MIPOL1: variants seen among roughly 807,000 people sequenced by gnomAD.
The protein encoded by MIPOL1 is mirror-image polydactyly 1.
Under a neutral mutation model 60.9 loss-of-function variants are expected in MIPOL1, and 57 were observed. The observed-to-expected ratio is 0.94, with a 90% CI of 0.76 to 1.17. The LOEUF (loss-of-function observed/expected upper bound fraction) is 1.17. Among genes scored for constraint, MIPOL1 ranks in the 50% most tolerant of loss-of-function variants. The probability of loss-of-function intolerance (pLI) is 0.00; values close to 1 mark genes in which losing one functional copy is unlikely to be tolerated. For synonymous variants in MIPOL1, 179 were observed against 168.8 expected (o/e 1.06, Z -0.47); for missense variants, 551 against 511.6 (o/e 1.08, Z -0.74).
rs1279543982 is a variant in MIPOL1 at position 37,550,477 on chromosome 14, C to G, written c.*3506C>G. On this transcript the variant is annotated 3_prime_UTR_variant, in exon 13 of 13. Coordinates refer to ENST00000684589, the MANE Select transcript of MIPOL1 (RefSeq NM_001388067.1). ...TTGGTAACTAGTATTTACAGCTAAC[C>G]TATCTATTCATATTTTACATATATA... 6.7e-6 allele frequency: 1 copy of G among 148,674 alleles called. No homozygotes were observed. The highest frequency in any genetic ancestry group is 1.5e-5 in the Non-Finnish European group (1 of 67,530). 9.2% of individuals were successfully genotyped at this position (148,674 alleles called of 1,614,324 possible).
intron 11 of MIPOL1, among the ~76,000 whole-genome samples, chr14:37,498,148 A>G (rs546943193): frequency 2.6e-5 from 4 of 152,286 alleles, no homozygotes; most frequent in East Asian, 1.9e-4. Flanking sequence ...AAAATAGGCA[A>G]TTTACATTTT....
At position 37,213,666 on chromosome 14, in the gene MIPOL1, A is replaced by G. The variant is rs1007128134; in HGVS notation, c.-199+15562A>G. Among the ~76,000 whole-genome samples, 3 of 152,204 alleles carry G rather than the reference A, an allele frequency of 2.0e-5. No homozygotes were observed. The South Asian group carries it at 6.2e-4, about 31-fold the overall frequency. On this transcript the variant is annotated intron_variant, in intron 1 of 12. Transcript: ENST00000684589. ...GGGCAGAAAGTTTATTCAAAGGGAT[A>G]ATAATGGAGAAATTCCCAAACCTAA...
In MIPOL1 at chr14:37,415,976, G is replaced by A. The variant is rs552496559; in HGVS notation, c.937-6879G>A. On this transcript the variant is annotated intron_variant, in intron 10 of 12. Transcript: ENST00000684589. ...AGACCAGGATTTGCCCCCTTATTAA[G>A]AGAGAATCTAAGTAGTTGATAATCT... Among the ~76,000 whole-genome samples the A allele has an allele frequency of 2.9e-3, 448 of 152,170 alleles. 3 individuals are homozygous for A. Among genetic ancestry groups the A allele is most frequent in the African/African-American group, 9.2e-3 (383 of 41,524 alleles).
At chr14:37,432,101 C>G (rs1218512938) in intron 11 of MIPOL1, among the ~76,000 whole-genome samples, 1 of 152,200 alleles carries the variant, frequency 6.6e-6, no homozygotes, top group Non-Finnish European at 1.5e-5. Context: ...GTCATTTCCT[C>G]CTGGACTACT....
At chr14:37,434,850 C>CAA (rs71127219) in intron 11 of MIPOL1, among the ~76,000 whole-genome samples, 22 of 111,704 alleles carry the variant, frequency 2.0e-4, no homozygotes, top group Admixed American at 1.4e-3. Flanking sequence ...TTAATCACAG[C>CAA]AAAAAAAAAA....
chr14:37,244,742 C>CT (rs1172464115), intron 1 of MIPOL1, among the ~76,000 whole-genome samples: 1 of 152,004 alleles, frequency 6.6e-6, no homozygotes, highest in African/African-American at 2.4e-5. Context: ...AATCATCCCA[C>CT]TAGTTTTAAT....
intron 10 of MIPOL1, among the ~76,000 whole-genome samples, chr14:37,377,185 C>T (rs2092799506): frequency 6.6e-6 from 1 of 152,140 alleles, no homozygotes; most frequent in Admixed American, 6.6e-5. Context: ...TCATACTCTC[C>T]TTTGCATGAC....
chr14:37,462,151 G>A (rs1158801178), intron 11 of MIPOL1, among the ~76,000 whole-genome samples: 1 of 152,186 alleles, frequency 6.6e-6, no homozygotes, highest in African/African-American at 2.4e-5. Context: ...TGAAATCTAG[G>A]CAGAGGTTCC....
intron 1 of MIPOL1, among the ~76,000 whole-genome samples, chr14:37,241,937 G>C (rs74047259): frequency 0.016 from 2,455 of 150,338 alleles, 55 homozygotes; most frequent in African/African-American, 0.055. Flanking sequence ...GAACTTTTTA[G>C]TCTAGTTAAT....
chr14:37,480,542 A>G (rs1199718161), intron 11 of MIPOL1, among the ~76,000 whole-genome samples: 1 of 151,990 alleles, frequency 6.6e-6, no homozygotes, highest in Non-Finnish European at 1.5e-5. Context: ...CAAACTCGGT[A>G]TAGAAAGAAT....
At chr14:37,219,768 G>A (rs1295054344) in intron 1 of MIPOL1, 3 of 152,150 alleles carry the variant, frequency 2.0e-5, no homozygotes, top group South Asian at 2.1e-4. Context: ...TGAAATTTCC[G>A]ACTATAATTA....
At chr14:37,341,485 G>A (rs1231312558) in intron 9 of MIPOL1, among the ~76,000 whole-genome samples, 1 of 152,128 alleles carries the variant, frequency 6.6e-6, no homozygotes, top group Non-Finnish European at 1.5e-5. Context: ...TGGGTTAAAA[G>A]GTAATAATTC....
At chr14:37,497,651 G>T (rs1186117201) in intron 11 of MIPOL1, among the ~76,000 whole-genome samples, 2 of 152,150 alleles carry the variant, frequency 1.3e-5, no homozygotes, top group Non-Finnish European at 2.9e-5. Flanking sequence ...GGTCAGCCTG[G>T]AAAACATAGT....
intron 1 of MIPOL1, among the ~76,000 whole-genome samples, chr14:37,200,094 C>G (rs1216703627): frequency 6.6e-6 from 1 of 152,126 alleles, no homozygotes; most frequent in Non-Finnish European, 1.5e-5. Context: ...AACACATATT[C>G]ATGTGTTTAC....
rs527443289 is a variant in MIPOL1 at position 37,238,798 on chromosome 14, A to T, written c.-198-8305A>T. Reference sequence around the variant, plus strand: ...AACCCCACTTCTACAAAAAAAAAAAAAAAAAATTAGATGGGTGTGACGGCT... The same window carrying T: ...AACCCCACTTCTACAAAAAAAAAAATAAAAAATTAGATGGGTGTGACGGCT... On this transcript the variant is annotated intron_variant, in intron 1 of 12. Transcript: ENST00000684589. 3.4e-4 allele frequency among the ~76,000 whole-genome samples: 51 copies of T among 151,624 alleles called. No individual in the cohort carries two copies. In the South Asian group the frequency reaches 4.6e-3, roughly 14 times the overall value.
At chr14:37,475,504 G>A (rs765551922) in intron 11 of MIPOL1, among the ~76,000 whole-genome samples, 2 of 151,814 alleles carry the variant, frequency 1.3e-5, no homozygotes, top group African/African-American at 2.4e-5. Context: ...TCAAGCCCAA[G>A]GTCACCTAGA....
chr14:37,512,050 CTT>C (rs1457957132), intron 12 of MIPOL1, among the ~76,000 whole-genome samples: 1 of 151,970 alleles, frequency 6.6e-6, no homozygotes, highest in African/African-American at 2.4e-5. Flanking sequence ...ATTTTTATAA[CTT>C]AATTATAACA....
rs1449222753 is a variant in MIPOL1, at chr14:37,407,832, T to A, written c.937-15023T>A. Among the ~76,000 whole-genome samples, 5 of 105,568 alleles carry A rather than the reference T, an allele frequency of 4.7e-5. No individual in the cohort carries two copies. In the Admixed American group the frequency reaches 5.1e-4, roughly 11 times the overall value. 69.3% of individuals were successfully genotyped at this position (105,568 alleles called of 152,430 possible). ...AGTATGCTTTATTTTTTCTTTTCTT[T>A]CTTCTTCTTCTTCTTTTTTTTTTTT... On this transcript the variant is annotated intron_variant, in intron 10 of 12. Transcript: ENST00000684589.
chr14:37,236,128 G>T (rs919271164), intron 1 of MIPOL1, among the ~76,000 whole-genome samples: 4 of 151,890 alleles, frequency 2.6e-5, no homozygotes, highest in African/African-American at 4.8e-5. Context: ...GTTTCACTGT[G>T]TTGCTTAGGC....
Sources: allele counts gnomAD v4.1 joint callset (sites outside exome capture counted in the v4.1 genomes callset), GRCh38; gene constraint gnomAD v4.1.1; transcripts MANE v1.5; gene names NCBI Gene and HGNC (gene_info 2026-07-23, HGNC 2026-07-21).